USP20: variants seen among roughly 807,000 people sequenced by gnomAD.
USP20 encodes ubiquitin specific peptidase 20.
Under a neutral mutation model 124.2 loss-of-function variants are expected in USP20, and 80 were observed. The ratio of observed to expected loss-of-function variants is 0.64; its 90% CI spans 0.54 to 0.78. The LOEUF is 0.78. Ranked by LOEUF, USP20 falls within the 30% of genes least tolerant of loss-of-function variation. The pLI, the probability that USP20 is intolerant of heterozygous loss-of-function variation, is 0.00. For missense variants in USP20, 1,043 were observed against 1,244.4 expected (o/e 0.84, Z 2.44); for synonymous variants, 481 against 512.3 (o/e 0.94, Z 0.83).
Position 129,875,296 on chromosome 9 carries a change from T to A in USP20, c.2049-14T>A. On this transcript the variant is annotated splice_polypyrimidine_tract_variant and intron_variant, in intron 19 of 25. Coordinates refer to ENST00000372429, the MANE Select transcript of USP20 (RefSeq NM_001110303.4). ...CCGTCAGGCACAGCTTCTCGCCCCC[T>A]CCTCACCCCACAGGAAGAGCAGCGA... 6.3e-7 allele frequency: 1 copy of A among 1,593,654 alleles called. No homozygotes were observed. Among genetic ancestry groups the A allele is most frequent in the South Asian group, 1.1e-5 (1 of 89,444 alleles).
chr9:129,878,358 C>T lies in USP20; in HGVS notation c.2430C>T (p.Ala810=), dbSNP rs568535068. 2.9e-4 allele frequency: 459 copies of T among 1,599,280 alleles called. 6 individuals are homozygous for T. The South Asian group carries it at 4.1e-3, about 14-fold the overall frequency. Residue 810 remains alanine, a synonymous_variant, in exon 23 of 26, where the codon GCC becomes GCT. Transcript: ENST00000372429. The stretch of plus-strand genomic sequence containing the variant: ...GCCAGTTGAACAAGGCCTTCCAGGC[C>T]GAGGAGTCGCCGGGCGTCATCTACT... ...TFIKLNKAFQ[A]EESPGVIYCI... is the part of the protein sequence containing the mutation.
chr9:129,869,154 G>A, intron 12 of USP20, 152 bp downstream of exon 12: 1 of 1,378,850 alleles, frequency 7.3e-7, no homozygotes, highest in Non-Finnish European at 9.8e-7. Context: ...GCCACGTTTT[G>A]CAGAGGATGA....
At chr9:129,844,198 C>T (rs1389747013) in intron 1 of USP20, among the ~76,000 whole-genome samples, 1 of 151,982 alleles carries the variant, frequency 6.6e-6, no homozygotes, top group Non-Finnish European at 1.5e-5. Flanking sequence ...GGTTGTATAG[C>T]TTAAATTATA....
At chr9:129,857,027 C>T (rs1039369701) in intron 4 of USP20, among the ~76,000 whole-genome samples, 1 of 151,584 alleles carries the variant, frequency 6.6e-6, no homozygotes, top group African/African-American at 2.4e-5. Flanking sequence ...TATAGTCATA[C>T]TAAAAATGAC....
intron 1 of USP20, among the ~76,000 whole-genome samples, chr9:129,838,965 T>C (rs1391491728): frequency 3.9e-5 from 6 of 152,194 alleles, no homozygotes; most frequent in Non-Finnish European, 1.5e-5. Flanking sequence ...GAAGTTAAGC[T>C]GAGCAGAAAA....
Position 129,868,865 on chromosome 9 carries a change from C to A in USP20, c.1139C>A (p.Pro380Gln). 2 of 1,562,150 alleles carry A rather than the reference C, an allele frequency of 1.3e-6. No individual in the cohort carries two copies. Among genetic ancestry groups the A allele is most frequent in the Non-Finnish European group, 8.7e-7 (1 of 1,149,806 alleles). ...RSSSPCRTPEPDNDAHLRSSS... is the reference protein window; with the variant it reads ...RSSSPCRTPEQDNDAHLRSSS... The stretch of plus-strand genomic sequence containing the variant: ...ATGGTACCCTCTCTGCCCCCAGAGC[C>A]GGACAATGATGCTCACCTACGCAGC... Residue 380 changes from proline to glutamine, a missense_variant, in exon 12 of 26, where the codon CCG (proline) becomes CAG (glutamine). Physicochemically the swap from Pro to Gln is moderately conservative, Grantham distance 76. Coordinates refer to ENST00000372429, the MANE Select transcript of USP20 (RefSeq NM_001110303.4).
intron 8 of USP20, among the ~76,000 whole-genome samples, chr9:129,861,906 C>A (rs1588267234): frequency 6.6e-6 from 1 of 152,154 alleles, no homozygotes; most frequent in African/African-American, 2.4e-5. Flanking sequence ...ATAGCCCTTG[C>A]AGCAAGTGCA....
At chr9:129,872,372 C>T (rs958863023) in intron 15 of USP20, among the ~76,000 whole-genome samples, 2 of 151,670 alleles carry the variant, frequency 1.3e-5, no homozygotes, top group African/African-American at 2.4e-5. Flanking sequence ...AGGTTGGTCT[C>T]GAACTCCTGA....
intron 1 of USP20, among the ~76,000 whole-genome samples, chr9:129,837,556 GTTCT>G (rs2131024794): frequency 6.6e-6 from 1 of 152,304 alleles, no homozygotes; most frequent in East Asian, 1.9e-4. Context: ...AGCAGGCACT[GTTCT>G]AAGTGCTTGA....
intron 1 of USP20, among the ~76,000 whole-genome samples, chr9:129,848,816 CAATG>C (rs1158862548): frequency 3.3e-5 from 5 of 152,154 alleles, no homozygotes; most frequent in Non-Finnish European, 7.3e-5. Context: ...TCAGCAGAAA[CAATG>C]AAGAAAACTA....
rs144160518 is a variant in USP20, at chr9:129,839,025, G to T, written c.-129+3526G>T. ...AGGCTCTTGTGAGGAAGCTTCCTTGGAGTACGCGTGTTTGGATTTGGGGAG... is the reference window on the plus strand; with the variant it reads ...AGGCTCTTGTGAGGAAGCTTCCTTGTAGTACGCGTGTTTGGATTTGGGGAG... On this transcript the variant is annotated intron_variant, in intron 1 of 25. Transcript: ENST00000372429. The surrounding 1 kb of genome is among the most constrained non-coding windows in gnomAD (Gnocchi z 4.5). Among the ~76,000 whole-genome samples the T allele has an allele frequency of 6.6e-6, 1 of 152,172 alleles. No individual in the cohort carries two copies. Among genetic ancestry groups the T allele is most frequent in the Non-Finnish European group, 1.5e-5 (1 of 68,030 alleles).
At chr9:129,865,469 A>G (rs970581346) in intron 10 of USP20, 88 bp downstream of exon 10, 57 of 1,402,372 alleles carry the variant, frequency 4.1e-5, no homozygotes, top group Admixed American at 1.4e-4. Flanking sequence ...GAAAATCGCA[A>G]TGGCAGCTGA....
At chr9:129,852,504 T>C in intron 2 of USP20, 36 bp from the exon 3 acceptor site, 1 of 1,548,764 alleles carries the variant, frequency 6.5e-7, no homozygotes, top group Non-Finnish European at 8.7e-7. Flanking sequence ...CAACACTGGC[T>C]GCCATTAACC....
chr9:129,854,550 C>T (rs1021692412), intron 3 of USP20, among the ~76,000 whole-genome samples: 1 of 151,846 alleles, frequency 6.6e-6, no homozygotes, highest in South Asian at 2.1e-4. Context: ...GAAGAATGTA[C>T]GGAGGGAAAT....
At chr9:129,865,484 T>TG in intron 10 of USP20, 103 bp downstream of exon 10, 1 of 1,260,466 alleles carries the variant, frequency 7.9e-7, no homozygotes. Context: ...AGCTGAGCAC[T>TG]GGTTGGCAGG....
intron 15 of USP20, among the ~76,000 whole-genome samples, chr9:129,872,441 C>T (rs372626642): frequency 3.5e-4 from 54 of 152,288 alleles, no homozygotes; most frequent in African/African-American, 7.7e-4. Context: ...GTGTGAGCCA[C>T]GGTGCCGGCC....
intron 10 of USP20, among the ~76,000 whole-genome samples, chr9:129,866,724 G>A (rs886210852): frequency 6.6e-6 from 1 of 152,214 alleles, no homozygotes; most frequent in Non-Finnish European, 1.5e-5. Context: ...AGCTGCGGGC[G>A]CCTCTTAAGG....
chr9:129,871,341 G>A (rs1288790622), intron 15 of USP20, among the ~76,000 whole-genome samples: 1 of 141,326 alleles, frequency 7.1e-6, no homozygotes, highest in Non-Finnish European at 1.6e-5. Context: ...CAGCGTGTGT[G>A]TCGGAATGCC....
rs199564496 is a variant in USP20, at chr9:129,874,557, G to A, written c.1741-19G>A. ...CATCATTTCTTCCTAGATGACCGGC[G>A]CTCTCTCTGTCCCCGCAGATCCTGT... On this transcript the variant is annotated intron_variant, in intron 17 of 25. Coordinates refer to ENST00000372429, the MANE Select transcript of USP20 (RefSeq NM_001110303.4). 309 of 1,610,682 alleles carry A rather than the reference G, an allele frequency of 1.9e-4. No homozygotes were observed. The highest frequency in any genetic ancestry group is 2.4e-4 in the Non-Finnish European group (285 of 1,177,836).
Sources: gnomAD v4.1 joint callset for allele counts (sites outside exome capture counted in the v4.1 genomes callset) on GRCh38, gnomAD v4.1.1 for gene constraint, Gnocchi (gnomAD v3.1) non-coding constraint, MANE v1.5 for transcripts, NCBI Gene and HGNC (gene_info 2026-07-23, HGNC 2026-07-21) for gene names.